Variants in IGF1R observed in about 807,000 individuals in gnomAD.
IGF1R encodes insulin like growth factor 1 receptor, also known as insulin-like growth factor 1 receptor.
Under a neutral mutation model 144.6 loss-of-function variants are expected in IGF1R, and 44 were observed. That is an observed-to-expected ratio of 0.30 (90% CI 0.24 to 0.39). The LOEUF is 0.39. IGF1R is among the 10% of genes least tolerant of loss of function. IGF1R has a pLI of 1.00. For missense variants in IGF1R, 1,355 were observed against 1,833.7 expected (o/e 0.74, Z 4.77); for synonymous variants, 795 against 722.8 (o/e 1.10, Z -1.60).
At chr15:98,819,487 C>T (rs1345496394) in intron 2 of IGF1R, among the ~76,000 whole-genome samples, 2 of 152,038 alleles carry the variant, frequency 1.3e-5, no homozygotes, top group African/African-American at 4.8e-5. Flanking sequence ...TAGAAGGTGC[C>T]CTCCGTGAAC....
rs146902252 is a variant in IGF1R at position 98,922,186 on chromosome 15, A to G, written c.2240A>G (p.Asn747Ser). 6.7e-5 allele frequency: 108 copies of G among 1,614,106 alleles called. No individual in the cohort carries two copies. The African/African-American group carries it at 1.2e-3, about 18-fold the overall frequency. Reference protein sequence around the residue: ...RKRRDVMQVANTTMSSRSRNT... With the variant: ...RKRRDVMQVASTTMSSRSRNT... ...CGGAGAGATGTCATGCAAGTGGCCA[A>G]CACCACCATGTCCAGCCGAAGCAGG... is the stretch of plus-strand genomic sequence containing the variant. Residue 747 changes from asparagine to serine, a missense_variant, in exon 11 of 21, where the codon AAC becomes AGC. Transcript: ENST00000650285.
intron 20 of IGF1R, among the ~76,000 whole-genome samples, chr15:98,954,732 G>A (rs2016912008): frequency 6.6e-6 from 1 of 152,182 alleles, no homozygotes; most frequent in Non-Finnish European, 1.5e-5. Context: ...CAGCTGGAGA[G>A]GAATTCACAG....
intron 2 of IGF1R, chr15:98,880,872 A>G (rs1231072847): frequency 6.6e-6 from 1 of 152,240 alleles, no homozygotes; most frequent in African/African-American, 2.4e-5. Flanking sequence ...AAATATAACC[A>G]TATGTAAGTG....
chr15:98,705,420 G>A (rs1420866301), intron 1 of IGF1R, among the ~76,000 whole-genome samples: 1 of 152,156 alleles, frequency 6.6e-6, no homozygotes, highest in Non-Finnish European at 1.5e-5. Context: ...GCTATGTAGG[G>A]GCTGAAATCT....
At chr15:98,656,563 T>C (rs1004358278) in intron 1 of IGF1R, among the ~76,000 whole-genome samples, 2 of 151,984 alleles carry the variant, frequency 1.3e-5, no homozygotes, top group Admixed American at 6.6e-5. Context: ...ACAAAATACA[T>C]ATATAAAAAT....
At chr15:98,908,469 A>G (rs1427188590) in intron 5 of IGF1R, among the ~76,000 whole-genome samples, 1 of 152,222 alleles carries the variant, frequency 6.6e-6, no homozygotes, top group African/African-American at 2.4e-5. Context: ...ATTAATTAGC[A>G]TCTTACCGAT....
rs2017060529 is a variant in IGF1R, at chr15:98,957,670, G to A, written c.*228G>A. ...TTATTCCCTGCCCAAACCCTTAACT[G>A]ACATGGGCCTTTAAGAACCTTAATG... On this transcript the variant is annotated 3_prime_UTR_variant, in exon 21 of 21. Transcript: ENST00000650285. The A allele has an allele frequency of 3.3e-6, 2 of 600,270 alleles. No homozygotes were observed. The highest frequency in any genetic ancestry group is 1.9e-5 in the African/African-American group (1 of 53,868). The allele number at this position is 600,270 out of a possible 1,614,324, so 37.2% of individuals were successfully genotyped here.
intron 2 of IGF1R, among the ~76,000 whole-genome samples, chr15:98,711,557 T>C (rs1021685863): frequency 6.6e-6 from 1 of 152,166 alleles, no homozygotes; most frequent in Non-Finnish European, 1.5e-5. Flanking sequence ...TTTTGAGTCA[T>C]TCCTAAAGAG....
intron 2 of IGF1R, among the ~76,000 whole-genome samples, chr15:98,824,432 G>A (rs138888018): frequency 6.7e-4 from 102 of 152,180 alleles, no homozygotes; most frequent in African/African-American, 2.4e-3. Context: ...GTAAATTATT[G>A]TCAGACTTCT....
In IGF1R at chr15:98,668,006, A is replaced by G. The variant is rs574046483; in HGVS notation, c.94+18331A>G. 3.3e-5 allele frequency among the ~76,000 whole-genome samples: 5 copies of G among 152,274 alleles called. No homozygotes were observed. The East Asian group carries it at 9.7e-4, about 30-fold the overall frequency. Reference sequence around the variant, plus strand: ...GACAGGTTACTATAGACTGAGGGCTAAAACCACAGACTTATGTTTCTCACA... The same window carrying G: ...GACAGGTTACTATAGACTGAGGGCTGAAACCACAGACTTATGTTTCTCACA... On this transcript the variant is annotated intron_variant, in intron 1 of 20. Transcript: ENST00000650285.
intron 2 of IGF1R, among the ~76,000 whole-genome samples, chr15:98,796,582 G>T (rs2056247191): frequency 6.6e-6 from 1 of 152,198 alleles, no homozygotes; most frequent in African/African-American, 2.4e-5. Flanking sequence ...TGGTGTCTCT[G>T]CACACTACCT....
intron 1 of IGF1R, among the ~76,000 whole-genome samples, chr15:98,658,203 T>C (rs1014409718): frequency 2.0e-5 from 3 of 152,216 alleles, no homozygotes; most frequent in African/African-American, 7.2e-5. Context: ...AAGTTTTTGC[T>C]TCTGCTGTTT....
At chr15:98,852,651 C>A (rs1292730744) in intron 2 of IGF1R, among the ~76,000 whole-genome samples, 3 of 152,192 alleles carry the variant, frequency 2.0e-5, no homozygotes, top group African/African-American at 7.2e-5. Flanking sequence ...CACATCCCAG[C>A]CCCGGGGCCC....
intron 10 of IGF1R, among the ~76,000 whole-genome samples, chr15:98,917,602 G>A (rs2015310067): frequency 6.6e-6 from 1 of 152,198 alleles, no homozygotes; most frequent in Non-Finnish European, 1.5e-5. Flanking sequence ...ACAGGTGAGT[G>A]GCTCAATAAA....
intron 2 of IGF1R, among the ~76,000 whole-genome samples, chr15:98,837,809 C>A (rs978455917): frequency 1.2e-4 from 19 of 152,166 alleles, no homozygotes; most frequent in African/African-American, 4.3e-4. Context: ...TTTCATTCAC[C>A]ATACTTTTCT....
intron 1 of IGF1R, among the ~76,000 whole-genome samples, chr15:98,666,873 A>T (rs2052755638): frequency 1.3e-5 from 2 of 152,262 alleles, no homozygotes; most frequent in South Asian, 4.1e-4. Context: ...TATACACTTA[A>T]CAAGGGTTAA....
At chr15:98,706,792 T>C (rs973029346) in intron 1 of IGF1R, among the ~76,000 whole-genome samples, 12 of 151,820 alleles carry the variant, frequency 7.9e-5, no homozygotes, top group African/African-American at 2.9e-4. Flanking sequence ...ACATTGTTTA[T>C]CGTGGAATGT....
intron 1 of IGF1R, among the ~76,000 whole-genome samples, chr15:98,658,442 AAAC>A (rs2052533139): frequency 6.6e-6 from 1 of 152,240 alleles, no homozygotes; most frequent in South Asian, 2.1e-4. Flanking sequence ...TTTTCTCACT[AAAC>A]AACAGAATGA....
chr15:98,710,758 C>A (rs2053974119), intron 2 of IGF1R, among the ~76,000 whole-genome samples: 1 of 151,634 alleles, frequency 6.6e-6, no homozygotes, highest in African/African-American at 2.4e-5. Context: ...CCTCCGTCTC[C>A]TGGGTTCAAG....
Sources: gnomAD v4.1 joint callset for allele counts (sites outside exome capture counted in the v4.1 genomes callset) on GRCh38, gnomAD v4.1.1 for gene constraint, MANE v1.5 for transcripts, NCBI Gene and HGNC (gene_info 2026-07-23, HGNC 2026-07-21) for gene names.